Variants in STRIP2 observed in about 807,000 individuals in gnomAD.
STRIP2 encodes striatin interacting protein 2, also known as striatin-interacting protein 2.
A neutral mutation model predicts 107.1 loss-of-function variants in STRIP2; 84 were observed. That is an observed-to-expected ratio of 0.78 (90% confidence interval 0.66 to 0.94). STRIP2 has a LOEUF of 0.94. STRIP2 is among the 40% of genes least tolerant of loss of function. STRIP2 has a pLI of 0.00. For missense variants in STRIP2, 888 were observed against 1,034.2 expected, an observed-to-expected ratio of 0.86 and a Z score of 1.94; for synonymous variants, 394 against 400.4, an observed-to-expected ratio of 0.98 and a Z score of 0.19.
intron 18 of STRIP2, among the ~76,000 whole-genome samples, chr7:129,477,041 GGC>G (rs1176861837): frequency 6.6e-6 from 1 of 151,130 alleles, no homozygotes; most frequent in Non-Finnish European, 1.5e-5. Flanking sequence ...CAGGCGTGGC[GGC>G]GCGCGCCTGC....
At chr7:129,476,151 G>T (rs2151015496) in intron 18 of STRIP2, among the ~76,000 whole-genome samples, 1 of 75,518 alleles carries the variant, frequency 1.3e-5, no homozygotes, top group African/African-American at 3.9e-5. Flanking sequence ...AGGCAGAGGT[G>T]CCCCCCTCCT....
intron 2 of STRIP2, among the ~76,000 whole-genome samples, 160 bp downstream of exon 2, chr7:129,440,251 CTT>C (rs974256079): frequency 2.0e-5 from 3 of 152,294 alleles, no homozygotes; most frequent in African/African-American, 7.2e-5. Context: ...GTAAATATCT[CTT>C]TGTTTGTCTT....
chr7:129,457,258 AG>A (rs1433532752), intron 9 of STRIP2, among the ~76,000 whole-genome samples: 2 of 152,230 alleles, frequency 1.3e-5, no homozygotes, highest in Admixed American at 1.3e-4. Context: ...CTGCACACCT[AG>A]GCATATAGCC....
intron 18 of STRIP2, among the ~76,000 whole-genome samples, chr7:129,473,656 C>G (rs1798846102): frequency 1.3e-5 from 2 of 152,156 alleles, no homozygotes; most frequent in Non-Finnish European, 2.9e-5. Context: ...AGGTGTCAGC[C>G]ACCATGCCCA....
chr7:129,474,580 G>C (rs1798870278), intron 18 of STRIP2, among the ~76,000 whole-genome samples: 2 of 152,042 alleles, frequency 1.3e-5, no homozygotes, highest in African/African-American at 4.8e-5. Context: ...CGCAATCTCT[G>C]CTCACTGCAG....
intron 18 of STRIP2, among the ~76,000 whole-genome samples, chr7:129,473,296 T>C (rs1798837375): frequency 6.6e-6 from 1 of 152,218 alleles, no homozygotes; most frequent in Non-Finnish European, 1.5e-5. Context: ...TATACATAGA[T>C]ATTTCATTTG....
At chr7:129,479,383 C>T (rs1799058163) in intron 18 of STRIP2, among the ~76,000 whole-genome samples, 1 of 152,008 alleles carries the variant, frequency 6.6e-6, no homozygotes, top group Non-Finnish European at 1.5e-5. Context: ...TGATGCACTA[C>T]AGTAGAAAGT....
intron 20 of STRIP2, among the ~76,000 whole-genome samples, chr7:129,484,919 A>G (rs1023550353): frequency 6.6e-6 from 1 of 152,214 alleles, no homozygotes; most frequent in Non-Finnish European, 1.5e-5. Flanking sequence ...GCCCTGAAAT[A>G]AGTGTCTAAG....
intron 3 of STRIP2, among the ~76,000 whole-genome samples, chr7:129,445,239 G>A (rs1400011972): frequency 7.2e-5 from 11 of 152,082 alleles, no homozygotes; most frequent in Admixed American, 2.0e-4. Context: ...CCTTACCTCC[G>A]TTGTGGAGTA....
Position 129,485,888 on chromosome 7 carries a change from G to A in STRIP2, c.*59G>A. On this transcript the variant is annotated 3_prime_UTR_variant, in exon 21 of 21. Transcript: ENST00000249344. ...GGTCAGCTCCAATAAACTGTGCTCT[G>A]CCTACCCTGTCCATACAGGCGCTGT... The A allele has an allele frequency of 1.9e-6, 3 of 1,591,956 alleles. No homozygotes were observed. In the South Asian group the frequency reaches 3.4e-5, roughly 18 times the overall value.
At chr7:129,434,947 CAGG>C (rs543210952) in intron 1 of STRIP2, among the ~76,000 whole-genome samples, 185 of 152,374 alleles carry the variant, frequency 1.2e-3, no homozygotes, top group Non-Finnish European at 2.0e-3. Flanking sequence ...GACGGGGGAA[CAGG>C]AGCGGAGAGG....
At position 129,488,138 on chromosome 7, in the gene STRIP2, C is replaced by T. The variant is rs866311342; in HGVS notation, c.*2309C>T. 3.9e-5 allele frequency: 6 copies of T among 152,134 alleles called. No homozygotes were observed. Among genetic ancestry groups the T allele is most frequent in the African/African-American group, 1.2e-4 (5 of 41,410 alleles). 9.4% of individuals were successfully genotyped at this position (152,134 alleles called of 1,614,324 possible). The stretch of plus-strand genomic sequence containing the variant: ...CCGAGATCATGCCACTGCACTCCAT[C>T]CTGGGCAACAAGAACGAAACTCCGT... On this transcript the variant is annotated 3_prime_UTR_variant, in exon 21 of 21. Coordinates refer to ENST00000249344, the MANE Select transcript of STRIP2 (RefSeq NM_020704.3).
Position 129,458,612 on chromosome 7 carries a change from CAG to C in STRIP2, c.1275-99_1275-98del. 1 of 1,396,634 alleles carries C rather than the reference CAG, an allele frequency of 7.2e-7. No individual in the cohort carries two copies. The highest frequency in any genetic ancestry group is 1.0e-6 in the Non-Finnish European group (1 of 995,630). The allele number at this position is 1,396,634 out of a possible 1,614,324, so 86.5% of individuals were successfully genotyped here. On this transcript the variant is annotated intron_variant, in intron 10 of 20. Coordinates refer to ENST00000249344, the MANE Select transcript of STRIP2 (RefSeq NM_020704.3). This position sits in a 1 kb window ranked among gnomAD's most constrained non-coding sequence, Gnocchi z 4.6. ...TGATTGCTGCCTTTTTCCACTGCTC[CAG>C]TCCTCTGATTGGAGGGATAGGAGCC...
At chr7:129,470,183 A>G (rs950977648) in intron 17 of STRIP2, among the ~76,000 whole-genome samples, 67 of 152,142 alleles carry the variant, frequency 4.4e-4, no homozygotes, top group African/African-American at 1.5e-3. Context: ...TTCTGTAATC[A>G]TTCCCCAGAG....
chr7:129,447,659 C>CAGTAAAGGTATA (rs1798073511), intron 3 of STRIP2, among the ~76,000 whole-genome samples: 2 of 152,352 alleles, frequency 1.3e-5, no homozygotes, highest in South Asian at 4.1e-4. Context: ...GCTGTCCCAG[C>CAGTAAAGGTATA]CAGCTGCAGG....
rs561528549 is a variant in STRIP2 at position 129,455,663 on chromosome 7, A to G, written c.834+292A>G. Among the ~76,000 whole-genome samples, 5 of 152,338 alleles carry G rather than the reference A, an allele frequency of 3.3e-5. No individual in the cohort carries two copies. In the East Asian group the frequency reaches 9.6e-4, roughly 29 times the overall value. On this transcript the variant is annotated intron_variant, in intron 8 of 20. Coordinates refer to ENST00000249344, the MANE Select transcript of STRIP2 (RefSeq NM_020704.3). ...TTTGATGGAGAGAACACTGGTTGAA[A>G]GTTGGTAGATCTGGGCTTTGCTGAT... is the stretch of plus-strand genomic sequence containing the variant.
rs1412849400 is a variant in STRIP2 at position 129,470,704 on chromosome 7, A to G, written c.1933A>G (p.Thr645Ala). Reference protein sequence around the residue: ...CTIQDLPELTTESLEAGDNSQ... With the variant: ...CTIQDLPELTAESLEAGDNSQ... ...CATCCAGGATTTGCCGGAGCTTACT[A>G]CTGAAAGTCTGGTAAGCAGATGGGG... Residue 645 changes from threonine to alanine, a missense_variant, in exon 18 of 21, where the codon ACT (threonine) becomes GCT (alanine). Physicochemically the swap from Thr to Ala is moderately conservative, Grantham distance 58. Transcript: ENST00000249344. 1 of 1,613,876 alleles carries G rather than the reference A, an allele frequency of 6.2e-7. No individual in the cohort carries two copies. The highest frequency in any genetic ancestry group is 1.7e-5 in the Admixed American group (1 of 60,010).
intron 3 of STRIP2, among the ~76,000 whole-genome samples, chr7:129,448,437 A>G (rs1351177004): frequency 6.6e-6 from 1 of 152,174 alleles, no homozygotes; most frequent in Non-Finnish European, 1.5e-5. Flanking sequence ...GTCCTTCCTC[A>G]AGGGAACCCG....
At chr7:129,459,208 G>C in intron 11 of STRIP2, among the ~76,000 whole-genome samples, 1 of 152,066 alleles carries the variant, frequency 6.6e-6, no homozygotes, top group East Asian at 1.9e-4. Flanking sequence ...CCTTATTAGT[G>C]GAGTTTCATA....
Sources: allele counts gnomAD v4.1 joint callset (sites outside exome capture counted in the v4.1 genomes callset), GRCh38; gene constraint gnomAD v4.1.1; non-coding constraint Gnocchi (gnomAD v3.1); transcripts MANE v1.5; gene names NCBI Gene and HGNC (gene_info 2026-07-23, HGNC 2026-07-21).